Variants in LINC00632 observed in about 807,000 individuals in gnomAD.
LINC00632 encodes ALDOA related specific transcript.
At position 140,788,070 on chromosome X, in the gene LINC00632, A is replaced by G. The variant is rs145537447; in HGVS notation, n.16089A>G. Among the ~76,000 whole-genome samples, 393 of 110,295 alleles carry G rather than the reference A, an allele frequency of 3.6e-3. 4 individuals are homozygous for G. The highest frequency in any genetic ancestry group is 0.011 in the African/African-American group (347 of 30,491). On this transcript the variant is annotated non_coding_transcript_exon_variant, in exon 5 of 5. Transcript: ENST00000648200. ...TAGGATATCCTTTTTATATTATTCAAAAACAGGTAAAACTAAGCACTATAT... is the reference window on the plus strand; with the variant it reads ...TAGGATATCCTTTTTATATTATTCAGAAACAGGTAAAACTAAGCACTATAT...
At chrX:140,783,581 G>T (rs1186762114) in exon 5 of LINC00632, 1 of 1,195,187 alleles carries the variant, frequency 8.4e-7, no homozygotes, top group African/African-American at 1.8e-5. Flanking sequence ...GAAAAATCTA[G>T]ATCTTCCAGT....
intron 3 of LINC00632, among the ~76,000 whole-genome samples, chrX:140,768,164 T>C (rs1024035178): frequency 1.8e-5 from 2 of 111,461 alleles, no homozygotes; most frequent in African/African-American, 6.5e-5. Context: ...TGTGTGACTT[T>C]GGACATGCCA....
At chrX:140,775,583 G>A (rs748045766) in exon 5 of LINC00632, among the ~76,000 whole-genome samples, 58 of 111,639 alleles carry the variant, frequency 5.2e-4, no homozygotes, top group African/African-American at 1.8e-3. Flanking sequence ...TGTTTGTGCC[G>A]GATTCACAGC....
chrX:140,776,476 C>T (rs866227205), exon 5 of LINC00632, among the ~76,000 whole-genome samples: 3 of 113,058 alleles, frequency 2.7e-5, no homozygotes, highest in Admixed American at 9.2e-5. Flanking sequence ...TGGACCCGCG[C>T]GTCCGGCGCT....
chrX:140,743,555 T>C (rs749738915), intron 3 of LINC00632, among the ~76,000 whole-genome samples: 1 of 110,991 alleles, frequency 9.0e-6, no homozygotes, highest in Non-Finnish European at 1.9e-5. Flanking sequence ...TGCGTGTGAA[T>C]TTTTACAAAA....
intron 3 of LINC00632, among the ~76,000 whole-genome samples, chrX:140,737,347 T>A (rs1931160908): frequency 8.9e-6 from 1 of 112,157 alleles, no homozygotes; most frequent in Non-Finnish European, 1.9e-5. Context: ...TTTTGATACA[T>A]TTGTACATAC....
At chrX:140,724,758 CAG>C (rs1930891221) in intron 2 of LINC00632, among the ~76,000 whole-genome samples, 1 of 65,256 alleles carries the variant, frequency 1.5e-5, no homozygotes, top group African/African-American at 5.4e-5. Flanking sequence ...CATACACACA[CAG>C]ACACATTCCA....
At chrX:140,768,658 A>AT (rs1931736284) in intron 3 of LINC00632, among the ~76,000 whole-genome samples, 1 of 95,737 alleles carries the variant, frequency 1.0e-5, no homozygotes, top group Non-Finnish European at 2.0e-5. Context: ...TATTATATAT[A>AT]ATAAATCTAT....
intron 3 of LINC00632, among the ~76,000 whole-genome samples, chrX:140,762,968 A>G (rs1256711007): frequency 1.8e-5 from 2 of 112,060 alleles, no homozygotes; most frequent in Non-Finnish European, 3.8e-5. Flanking sequence ...CTTAATCTAT[A>G]TATTTATAAC....
chrX:140,712,937 C>T (rs1311689457), intron 2 of LINC00632, among the ~76,000 whole-genome samples: 1 of 110,731 alleles, frequency 9.0e-6, no homozygotes, highest in East Asian at 2.9e-4. Flanking sequence ...TCCTTTGGCT[C>T]ACAGCCTCAG....
chrX:140,720,249 G>A (rs984711792), intron 2 of LINC00632, among the ~76,000 whole-genome samples: 6 of 110,943 alleles, frequency 5.4e-5, no homozygotes, highest in Non-Finnish European at 1.1e-4. Flanking sequence ...ACACTTCCTT[G>A]TCTCTTCAAA....
At chrX:140,742,863 G>GAA (rs1931249117) in intron 3 of LINC00632, among the ~76,000 whole-genome samples, 1 of 96,268 alleles carries the variant, frequency 1.0e-5, no homozygotes, top group Non-Finnish European at 2.1e-5. Context: ...GAGAGAGAGA[G>GAA]AGAGAGAGAG....
chrX:140,762,209 AAGAGAGAGAG>A (rs35880613), intron 3 of LINC00632, among the ~76,000 whole-genome samples: 191 of 67,130 alleles, frequency 2.8e-3, no homozygotes, highest in Non-Finnish European at 4.4e-3. Flanking sequence ...GTTTTTCGAA[AAGAGAGAGAG>A]AGAGAGAGAG....
chrX:140,736,367 T>C (rs754461438), intron 3 of LINC00632, among the ~76,000 whole-genome samples: 23 of 106,564 alleles, frequency 2.2e-4, no homozygotes, highest in African/African-American at 8.1e-4. Flanking sequence ...AGCATATACA[T>C]TTTTTTTTCA....
intron 2 of LINC00632, among the ~76,000 whole-genome samples, chrX:140,718,075 G>A (rs745665185): frequency 1.1e-4 from 12 of 110,864 alleles, no homozygotes; most frequent in Non-Finnish European, 1.9e-4. Flanking sequence ...GGCAGAGGTT[G>A]CGGTGAGCCA....
chrX:140,722,825 G>A (rs373333625), intron 2 of LINC00632, among the ~76,000 whole-genome samples: 4 of 111,194 alleles, frequency 3.6e-5, no homozygotes, highest in East Asian at 5.7e-4. Context: ...TGAGGCGGGC[G>A]GATCACCTGA....
In LINC00632 at chrX:140,713,508, T is replaced by C. The variant is rs41311660; in HGVS notation, n.104+1852T>C. The stretch of plus-strand genomic sequence containing the variant: ...CCATTATGTAAGTGTTGTCTATTAT[T>C]ATTTGTAGATACTAAGGGGGACTTG... On this transcript the variant is annotated intron_variant and non_coding_transcript_variant, in intron 2 of 4. Coordinates refer to ENST00000648200, the Ensembl canonical transcript of LINC00632. The C allele has an allele frequency of 5.2e-3, 1,779 of 338,871 alleles. 4 individuals are homozygous for C. The highest frequency in any genetic ancestry group is 8.6e-3 in the Non-Finnish European group (1,462 of 169,220). The allele number at this position is 338,871 out of a possible 1,213,427, so 27.9% of individuals were successfully genotyped here. A position where few individuals can be genotyped will look rare whatever the true frequency, so the allele number is the denominator to read the frequency against.
At chrX:140,718,281 A>T (rs749303437) in intron 2 of LINC00632, among the ~76,000 whole-genome samples, 4 of 111,399 alleles carry the variant, frequency 3.6e-5, no homozygotes, top group Non-Finnish European at 5.6e-5. Flanking sequence ...TAAAGGTAAG[A>T]CTCAATCTAA....
exon 5 of LINC00632, among the ~76,000 whole-genome samples, chrX:140,791,130 T>C (rs1049049115): frequency 9.4e-6 from 1 of 106,687 alleles, no homozygotes; most frequent in African/African-American, 3.3e-5. Context: ...TTGCCATTGT[T>C]TCTGATAAAT....
Sources: gnomAD v4.1 joint callset for allele counts (sites outside exome capture counted in the v4.1 genomes callset) on GRCh38, gnomAD v4.1.1 for gene constraint, MANE v1.5 for transcripts, NCBI Gene and HGNC (gene_info 2026-07-23, HGNC 2026-07-21) for gene names.